Variants in STPG4 observed in about 807,000 individuals in gnomAD.
STPG4 encodes the protein sperm-tail PG-rich repeat containing 4, also known as protein STPG4.
Under a neutral mutation model 31.5 loss-of-function variants are expected in STPG4, and 41 were observed. The observed-to-expected ratio is 1.30, with a 90% CI of 1.01 to 1.69. The LOEUF is 1.69. Ranked by LOEUF, STPG4 falls within the 40% of genes most tolerant of loss-of-function variation. The pLI, the probability that STPG4 is intolerant of heterozygous loss-of-function variation, is 0.00. For missense variants in STPG4, 375 were observed against 293.4 expected, an observed-to-expected ratio of 1.28 and a Z score of -2.03; for synonymous variants, 141 against 103.0, an observed-to-expected ratio of 1.37 and a Z score of -2.24.
chr2:47,153,969 A>G (rs1397050866), intron 1 of STPG4, among the ~76,000 whole-genome samples: 1 of 152,038 alleles, frequency 6.6e-6, no homozygotes, highest in African/African-American at 2.4e-5. Flanking sequence ...TTATTATTTC[A>G]TATTTATTTC....
Position 47,134,960 on chromosome 2 carries a change from G to A in STPG4, c.400-4700C>T, listed in dbSNP as rs571852838. On this transcript the variant is annotated intron_variant, in intron 3 of 6. Transcript: ENST00000445927. The stretch of plus-strand genomic sequence containing the variant: ...TCCCTGATGACATATGATGTGAAAC[G>A]TTTTTTCATATGCTTTTTTGACATC... Among the ~76,000 whole-genome samples, 4 of 152,094 alleles carry A rather than the reference G, an allele frequency of 2.6e-5. No homozygotes were observed. In the East Asian group the frequency reaches 7.7e-4, roughly 29 times the overall value.
At position 47,095,995 on chromosome 2, in the gene STPG4, T is replaced by A. The variant is rs149092604; in HGVS notation, c.520-5621A>T. ...AGAACAGCCCATAGGAGGAGTCTGA[T>A]GCAGTAGAGTTACCACAAAAGCCCT... On this transcript the variant is annotated intron_variant, in intron 5 of 6. Transcript: ENST00000445927. 3.0e-3 allele frequency among the ~76,000 whole-genome samples: 455 copies of A among 152,308 alleles called. 5 individuals carry two copies. The highest frequency in any genetic ancestry group is 0.01 in the African/African-American group (430 of 41,562).
chr2:47,098,033 G>A (rs1052091185), intron 5 of STPG4, among the ~76,000 whole-genome samples: 1 of 151,728 alleles, frequency 6.6e-6, no homozygotes. Flanking sequence ...TTTCACGTGT[G>A]TATGAACATG....
intron 3 of STPG4, among the ~76,000 whole-genome samples, chr2:47,134,105 T>G (rs918874068): frequency 2.0e-5 from 3 of 149,398 alleles, no homozygotes; most frequent in African/African-American, 7.3e-5. Context: ...ATAGCAAAAT[T>G]GCAAGGAAAG....
rs137861102 is a variant in STPG4 at position 47,093,822 on chromosome 2, C to T, written c.520-3448G>A. Among the ~76,000 whole-genome samples the T allele has an allele frequency of 3.8e-3, 581 of 152,298 alleles. 2 individuals carry two copies. The highest frequency in any genetic ancestry group is 0.013 in the African/African-American group (558 of 41,550). On this transcript the variant is annotated intron_variant, in intron 5 of 6. Coordinates refer to ENST00000445927, the MANE Select transcript of STPG4 (RefSeq NM_001163561.2). The stretch of plus-strand genomic sequence containing the variant: ...GGAGCACTGAGGAAGTGGATATAAG[C>T]CCAAGTTCATATTCCAAAGCCACAG...
chr2:47,112,106 T>G (rs935439520), intron 5 of STPG4, among the ~76,000 whole-genome samples: 2 of 152,246 alleles, frequency 1.3e-5, no homozygotes, highest in Non-Finnish European at 2.9e-5. Flanking sequence ...TAATCTGATA[T>G]GCCTTCATAT....
At chr2:47,107,207 T>C (rs1371101288) in intron 5 of STPG4, among the ~76,000 whole-genome samples, 2 of 152,046 alleles carry the variant, frequency 1.3e-5, no homozygotes, top group Non-Finnish European at 2.9e-5. Context: ...AGCCCACCGC[T>C]GCACTGTGGG....
At chr2:47,135,636 C>T (rs1686581702) in intron 3 of STPG4, among the ~76,000 whole-genome samples, 1 of 152,178 alleles carries the variant, frequency 6.6e-6, no homozygotes, top group South Asian at 2.1e-4. Flanking sequence ...ATCCATCTGC[C>T]TCGGCCTCCC....
chr2:47,111,484 C>T (rs12988606), intron 5 of STPG4, among the ~76,000 whole-genome samples: 35,355 of 152,094 alleles, frequency 0.23, 4,180 homozygotes, highest in South Asian at 0.29. Context: ...GGAGAAACTA[C>T]AAATGAAAGT....
chr2:47,137,071 T>C (rs1374899160), intron 3 of STPG4, among the ~76,000 whole-genome samples: 4 of 152,228 alleles, frequency 2.6e-5, no homozygotes, highest in African/African-American at 4.8e-5. Context: ...TTTCCTGATC[T>C]TAGTGGGAAA....
chr2:47,109,931 T>C (rs145631003), intron 5 of STPG4, among the ~76,000 whole-genome samples: 2,851 of 152,140 alleles, frequency 0.019, 44 homozygotes, highest in Non-Finnish European at 0.029. Flanking sequence ...AAACAGATCA[T>C]GTAACGACCA....
intron 6 of STPG4, 32 bp from the exon 7 acceptor site, chr2:47,087,162 A>G: frequency 5.2e-6 from 8 of 1,549,248 alleles, no homozygotes; most frequent in Non-Finnish European, 7.0e-6. Flanking sequence ...GGGACTGATG[A>G]GACAGTGAAA....
At chr2:47,113,707 G>C (rs556266059) in intron 5 of STPG4, among the ~76,000 whole-genome samples, 1 of 152,298 alleles carries the variant, frequency 6.6e-6, no homozygotes, top group East Asian at 1.9e-4. Flanking sequence ...ATAATCTTTA[G>C]TAAATCCCAT....
chr2:47,127,822 G>C (rs1434336582), intron 5 of STPG4, among the ~76,000 whole-genome samples: 1 of 152,114 alleles, frequency 6.6e-6, no homozygotes, highest in Non-Finnish European at 1.5e-5. Context: ...GTGTCACTCT[G>C]GGATTGATCA....
intron 5 of STPG4, among the ~76,000 whole-genome samples, chr2:47,096,073 C>T (rs1397152374): frequency 6.6e-6 from 1 of 152,164 alleles, no homozygotes; most frequent in Non-Finnish European, 1.5e-5. Flanking sequence ...TCCTATCTTG[C>T]TTATAACATT....
chr2:47,097,782 G>T (rs553779718), intron 5 of STPG4, among the ~76,000 whole-genome samples: 1 of 152,272 alleles, frequency 6.6e-6, no homozygotes, highest in South Asian at 2.1e-4. Flanking sequence ...CAAGAAACAT[G>T]TGGTGTGTAT....
At chr2:47,152,258 C>T (rs1201416532) in intron 2 of STPG4, among the ~76,000 whole-genome samples, 1 of 152,150 alleles carries the variant, frequency 6.6e-6, no homozygotes, top group Non-Finnish European at 1.5e-5. Context: ...GACATGACAC[C>T]AGGATAAACT....
At chr2:47,125,482 C>T (rs1686347489) in intron 5 of STPG4, among the ~76,000 whole-genome samples, 1 of 152,148 alleles carries the variant, frequency 6.6e-6, no homozygotes, top group Admixed American at 6.6e-5. Context: ...GGTTATTAAT[C>T]CTTTGTCAGA....
intron 5 of STPG4, among the ~76,000 whole-genome samples, chr2:47,096,377 C>G (rs1685669113): frequency 6.6e-6 from 1 of 152,042 alleles, no homozygotes; most frequent in South Asian, 2.1e-4. Flanking sequence ...GAAAGCTAGG[C>G]CAAAATGGGC....
Sources: allele counts gnomAD v4.1 joint callset (sites outside exome capture counted in the v4.1 genomes callset), GRCh38; gene constraint gnomAD v4.1.1; transcripts MANE v1.5; gene names NCBI Gene and HGNC (gene_info 2026-07-23, HGNC 2026-07-21).